Variants in ZNF568 observed in about 807,000 individuals in gnomAD.
ZNF568 encodes p53 inhibitor of SCO2 activation.
Under a neutral mutation model 18.1 loss-of-function variants are expected in ZNF568, and 11 were observed. The ratio of observed to expected loss-of-function variants is 0.61; its 90% CI spans 0.38 to 1.00. ZNF568 has a LOEUF of 1.00. ZNF568 is among the 50% of genes least tolerant of loss of function. The pLI is 0.01. For synonymous variants in ZNF568, 213 were observed against 246.6 expected (o/e 0.86, Z 1.28); for missense variants, 639 against 768.2 (o/e 0.83, Z 1.99).
intron 6 of ZNF568, among the ~76,000 whole-genome samples, chr19:36,937,477 T>C (rs1451979239): frequency 6.6e-6 from 1 of 152,234 alleles, no homozygotes; most frequent in Non-Finnish European, 1.5e-5. Flanking sequence ...AATTTCATAA[T>C]ACCAACCTTC....
At chr19:36,922,894 A>T in intron 3 of ZNF568, 48 bp downstream of exon 3, 1 of 1,556,358 alleles carries the variant, frequency 6.4e-7, no homozygotes, top group Non-Finnish European at 8.8e-7. Context: ...AAGGCTCTAC[A>T]TTTGGGGACA....
intron 6 of ZNF568, among the ~76,000 whole-genome samples, chr19:36,947,773 A>T (rs750053895): frequency 6.6e-6 from 1 of 152,170 alleles, no homozygotes; most frequent in Non-Finnish European, 1.5e-5. Flanking sequence ...GGTACAGCCC[A>T]CTGCATCTGG....
chr19:36,976,468 T>A (rs2074286025), intron 7 of ZNF568: 2 of 152,204 alleles, frequency 1.3e-5, no homozygotes, highest in Admixed American at 1.3e-4. Flanking sequence ...AAGTCATAGT[T>A]TCATTGATGG....
chr19:36,927,899 A>ATTTTT (rs2073605144), intron 4 of ZNF568, among the ~76,000 whole-genome samples: 1 of 24,086 alleles, frequency 4.2e-5, no homozygotes, highest in Non-Finnish European at 7.4e-5. Context: ...ATATATATAT[A>ATTTTT]TATATTTTTT....
intron 4 of ZNF568, among the ~76,000 whole-genome samples, chr19:36,934,921 C>A (rs912474904): frequency 1.3e-5 from 2 of 148,280 alleles, no homozygotes; most frequent in African/African-American, 4.9e-5. Context: ...TTACACAATT[C>A]TCTTAAAATT....
chr19:36,921,158 T>C (rs891914111), intron 2 of ZNF568, among the ~76,000 whole-genome samples: 3 of 152,178 alleles, frequency 2.0e-5, no homozygotes, highest in Admixed American at 6.5e-5. Context: ...TATTAATAGT[T>C]TGTTAGAAAG....
At chr19:36,995,904 A>C (rs1463087391) in intron 4 of ZNF568, among the ~76,000 whole-genome samples, 1 of 152,198 alleles carries the variant, frequency 6.6e-6, no homozygotes, top group Non-Finnish European at 1.5e-5. Context: ...TATTGGCAGG[A>C]TAATAACCCC....
At chr19:36,954,765 C>T (rs2074094975), downstream of ZNF568, among the ~76,000 whole-genome samples, 2 of 147,616 alleles carry the variant, frequency 1.4e-5, no homozygotes, top group African/African-American at 2.5e-5. Flanking sequence ...TTTAATGGAG[C>T]TGGGGTTTCA....
At chr19:36,996,113 C>T (rs969497773) in intron 4 of ZNF568, among the ~76,000 whole-genome samples, 1 of 152,114 alleles carries the variant, frequency 6.6e-6, no homozygotes, top group Non-Finnish European at 1.5e-5. Flanking sequence ...ACCTGTAATC[C>T]CAACACTTTG....
At chr19:36,983,412 C>T (rs557342184), downstream of ZNF568, among the ~76,000 whole-genome samples, 6 of 152,270 alleles carry the variant, frequency 3.9e-5, no homozygotes, top group African/African-American at 1.4e-4. Context: ...CTACCCGCAT[C>T]CTCCCCCCGC....
downstream of ZNF568, among the ~76,000 whole-genome samples, chr19:36,983,911 T>TTTTTTTG (rs1300895800): frequency 3.3e-4 from 48 of 144,502 alleles, no homozygotes; most frequent in African/African-American, 1.2e-3. Flanking sequence ...TTTTTTTTTT[T>TTTTTTTG]TTGTTGAGAC....
At chr19:36,972,765 T>C (rs1188596057) in intron 6 of ZNF568, among the ~76,000 whole-genome samples, 3 of 152,324 alleles carry the variant, frequency 2.0e-5, no homozygotes, top group Non-Finnish European at 2.9e-5. Context: ...GTCCGCTCCC[T>C]GGCTTTTTAC....
intron 6 of ZNF568, among the ~76,000 whole-genome samples, chr19:36,958,578 C>T (rs959931268): frequency 6.9e-6 from 1 of 144,260 alleles, no homozygotes; most frequent in African/African-American, 2.6e-5. Flanking sequence ...TATTCTTGTT[C>T]ATAATATTCT....
chr19:36,968,637 T>A (rs1467059930), intron 6 of ZNF568, among the ~76,000 whole-genome samples: 3 of 151,058 alleles, frequency 2.0e-5, no homozygotes, highest in African/African-American at 7.3e-5. Context: ...TCAGGTTACT[T>A]ACCAATTAAA....
In ZNF568 at chr19:36,950,656, C is replaced by A. The variant is rs999996028; in HGVS notation, c.1503C>A (p.Pro501=). 5.0e-6 allele frequency: 8 copies of A among 1,613,800 alleles called. No homozygotes were observed. In the African/African-American group the frequency reaches 9.3e-5, roughly 19 times the overall value. Residue 501 remains proline (P), a synonymous_variant, in exon 7 of 7, where the codon CCC becomes CCA. Coordinates refer to ENST00000333987, the MANE Select transcript of ZNF568 (RefSeq NM_198539.4). ...RHQRIHTGEK[P]YACTVCGKAF... is the part of the protein sequence containing the mutation. ...AGAGAATTCATACGGGTGAGAAACC[C>A]TATGCATGTACAGTATGTGGAAAAG...
chr19:36,991,836 A>G, exon 4 of ZNF568: 1 of 1,571,752 alleles, frequency 6.4e-7, no homozygotes, highest in Non-Finnish European at 8.6e-7. Context: ...AGACAAAAGA[A>G]TGGTGTCCAG....
At chr19:36,997,262 G>A (rs766763115), downstream of ZNF568, 12 of 1,603,698 alleles carry the variant, frequency 7.5e-6, no homozygotes, top group East Asian at 9.0e-5. Context: ...CATCTTATTC[G>A]ACATCAGAGT....
chr19:36,986,738 C>T (rs1612652), intron 2 of ZNF568, among the ~76,000 whole-genome samples: 81,028 of 151,810 alleles, frequency 0.53, 22,147 homozygotes, highest in African/African-American at 0.62. Context: ...TTCGTATTTT[C>T]GGATAAGAGA....
chr19:36,918,497 T>A (rs1053818393), intron 2 of ZNF568, among the ~76,000 whole-genome samples: 2 of 152,198 alleles, frequency 1.3e-5, no homozygotes, highest in African/African-American at 4.8e-5. Flanking sequence ...ATCTGTACTG[T>A]ACGTGTTCAG....
Sources: allele counts gnomAD v4.1 joint callset (sites outside exome capture counted in the v4.1 genomes callset), GRCh38; gene constraint gnomAD v4.1.1; transcripts MANE v1.5; gene names NCBI Gene and HGNC (gene_info 2026-07-23, HGNC 2026-07-21).